MGAT4C: variants seen among roughly 807,000 people sequenced by gnomAD.
The protein encoded by MGAT4C is MGAT4 family member C.
In MGAT4C, 19 loss-of-function variants were observed where a neutral mutation model predicts 40.1. That is an observed-to-expected ratio of 0.47 (90% CI 0.33 to 0.70). MGAT4C has a LOEUF of 0.70. Among genes scored for constraint, MGAT4C ranks in the 30% least tolerant of loss-of-function variants. The pLI, the probability that MGAT4C is intolerant of heterozygous loss-of-function variation, is 0.02. For missense variants in MGAT4C, 491 were observed against 563.2 expected (o/e 0.87, Z 1.30); for synonymous variants, 181 against 187.1 (o/e 0.97, Z 0.27).
chr12:86,045,794 T>A (rs1394237443), intron 2 of MGAT4C, among the ~76,000 whole-genome samples: 1 of 152,218 alleles, frequency 6.6e-6, no homozygotes, highest in Non-Finnish European at 1.5e-5. Context: ...ACATGCTTGG[T>A]GTTACTTGAC....
chr12:86,456,834 T>G (rs1031615725), intron 2 of MGAT4C, among the ~76,000 whole-genome samples: 1 of 152,150 alleles, frequency 6.6e-6, no homozygotes, highest in Admixed American at 6.6e-5. Context: ...TCTTGCATTA[T>G]GAGCTCTCTA....
At chr12:86,486,421 A>AC (rs1958021103) in intron 2 of MGAT4C, among the ~76,000 whole-genome samples, 1 of 143,394 alleles carries the variant, frequency 7.0e-6, no homozygotes, top group South Asian at 2.3e-4. Context: ...CACACACACA[A>AC]AAGAGCATGA....
In MGAT4C at chr12:86,591,282, A is replaced by G. The variant is rs1477372340; in HGVS notation, c.-229+135927T>C. Among the ~76,000 whole-genome samples, 5 of 152,028 alleles carry G rather than the reference A, an allele frequency of 3.3e-5. No individual in the cohort carries two copies. The East Asian group carries it at 7.7e-4, about 23-fold the overall frequency. ...TGATCAGCATACATCCAGTCCCTGG[A>G]AATTAAGTAGGGCATCAGATCTATG... On this transcript the variant is annotated intron_variant, in intron 2 of 7. Transcript: ENST00000548651.
At chr12:86,515,215 T>C (rs1470828715) in intron 2 of MGAT4C, among the ~76,000 whole-genome samples, 3 of 152,208 alleles carry the variant, frequency 2.0e-5, no homozygotes, top group Non-Finnish European at 2.9e-5. Context: ...AAAACTTTCC[T>C]CTTAAGATTA....
At chr12:85,997,500 C>A (rs1039974591) in intron 2 of MGAT4C, among the ~76,000 whole-genome samples, 2 of 152,172 alleles carry the variant, frequency 1.3e-5, no homozygotes, top group Admixed American at 6.5e-5. Context: ...CAAGTACCTT[C>A]AGCCTATGAG....
chr12:86,032,458 G>A lies in MGAT4C; in HGVS notation c.-7+17216C>T, dbSNP rs920488670. ...TTGACTTTTTAATAATAGCCATTAC[G>A]ACTGGTGTGAGTTGGTATCTCATTG... On this transcript the variant is annotated intron_variant, in intron 2 of 4. Transcript: ENST00000611864. Among the ~76,000 whole-genome samples, 4 of 149,296 alleles carry A rather than the reference G, an allele frequency of 2.7e-5. 1 individual carries two copies. Among genetic ancestry groups the A allele is most frequent in the Admixed American group, 6.7e-5 (1 of 14,836 alleles).
intron 2 of MGAT4C, among the ~76,000 whole-genome samples, chr12:86,014,114 CA>C (rs1362665590): frequency 1.3e-5 from 2 of 152,128 alleles, no homozygotes; most frequent in Non-Finnish European, 2.9e-5. Flanking sequence ...TCTATTCTCT[CA>C]TAATTAGAAA....
intron 3 of MGAT4C, among the ~76,000 whole-genome samples, chr12:85,987,837 C>A (rs1389700720): frequency 6.6e-6 from 1 of 152,154 alleles, no homozygotes; most frequent in Non-Finnish European, 1.5e-5. Flanking sequence ...TTGAACATAG[C>A]AAGCCTCCAA....
chr12:86,497,710 C>T (rs376444712), intron 2 of MGAT4C, among the ~76,000 whole-genome samples: 1 of 151,434 alleles, frequency 6.6e-6, no homozygotes, highest in African/African-American at 2.4e-5. Context: ...GTACATGTTC[C>T]TTTAACAAAT....
intron 1 of MGAT4C, among the ~76,000 whole-genome samples, chr12:86,133,834 A>G (rs1314638312): frequency 2.0e-5 from 3 of 152,236 alleles, no homozygotes; most frequent in Admixed American, 6.5e-5. Flanking sequence ...TGGATGACAC[A>G]TATTCAATTA....
Position 85,962,269 on chromosome 12 carries a change from C to T in MGAT4C, c.*17020G>A, listed in dbSNP as rs1055855405. On this transcript the variant is annotated 3_prime_UTR_variant, in exon 5 of 5. Coordinates refer to ENST00000611864, the MANE Select transcript of MGAT4C (RefSeq NM_001351288.2). ...ATGCATTCTGGTCTAAATATCCCAA[C>T]ATATCTTTCGTTTTGAGATCTGCAG... is the stretch of plus-strand genomic sequence containing the variant. 1 of 151,532 alleles carries T rather than the reference C, an allele frequency of 6.6e-6. No homozygotes were observed. The highest frequency in any genetic ancestry group is 2.4e-5 in the African/African-American group (1 of 41,342). The allele number at this position is 151,532 out of a possible 1,614,324, so 9.4% of individuals were successfully genotyped here.
At chr12:86,389,476 T>C (rs913952710) in intron 3 of MGAT4C, among the ~76,000 whole-genome samples, 30 of 152,330 alleles carry the variant, frequency 2.0e-4, no homozygotes, top group Middle Eastern at 6.8e-3. Context: ...TCCATGTTTT[T>C]GCTATTGTGA....
chr12:86,088,510 G>A (rs973396671), intron 1 of MGAT4C, among the ~76,000 whole-genome samples: 1 of 151,946 alleles, frequency 6.6e-6, no homozygotes, highest in African/African-American at 2.4e-5. Flanking sequence ...AATCTATAAG[G>A]AACTTAAACA....
intron 1 of MGAT4C, among the ~76,000 whole-genome samples, chr12:86,769,934 G>A (rs949985279): frequency 2.0e-5 from 3 of 151,962 alleles, no homozygotes; most frequent in Non-Finnish European, 4.4e-5. Flanking sequence ...AATGGGTGCA[G>A]CACACCAGCA....
At chr12:86,815,954 A>G (rs1952596976) in intron 1 of MGAT4C, among the ~76,000 whole-genome samples, 1 of 151,832 alleles carries the variant, frequency 6.6e-6, no homozygotes, top group Non-Finnish European at 1.5e-5. Context: ...TAAAGAACTT[A>G]CTCTTGTAAC....
At chr12:86,477,857 G>T (rs987925986) in intron 2 of MGAT4C, among the ~76,000 whole-genome samples, 1 of 152,000 alleles carries the variant, frequency 6.6e-6, no homozygotes, top group African/African-American at 2.4e-5. Flanking sequence ...TTGGTTTTTT[G>T]TCCTTGCAAT....
At chr12:86,585,807 C>A (rs1308387857) in intron 2 of MGAT4C, among the ~76,000 whole-genome samples, 1 of 148,668 alleles carries the variant, frequency 6.7e-6, no homozygotes, top group Non-Finnish European at 1.5e-5. Context: ...CAACAGATGA[C>A]AGGCTGCAGC....
At position 86,774,315 on chromosome 12, in the gene MGAT4C, C is replaced by CTTTCTT. The variant is rs1555227766; in HGVS notation, c.-261-47080_-261-47075dup. Among the ~76,000 whole-genome samples, 47 of 59,328 alleles carry CTTTCTT rather than the reference C, an allele frequency of 7.9e-4. 2 individuals carry two copies. Among genetic ancestry groups the CTTTCTT allele is most frequent in the Non-Finnish European group, 1.6e-3 (41 of 26,366 alleles). 38.9% of individuals were successfully genotyped at this position (59,328 alleles called of 152,430 possible). On this transcript the variant is annotated intron_variant, in intron 1 of 7. Coordinates refer to the MGAT4C transcript ENST00000548651. ...TCTTTCTTTCTTTCTTTCTTTCTTT[C>CTTTCTT]TTTCTTTCTTTCTTTCTTTCTTTCT...
chr12:86,556,363 C>T (rs1452462342), intron 2 of MGAT4C, among the ~76,000 whole-genome samples: 3 of 152,052 alleles, frequency 2.0e-5, no homozygotes, highest in Non-Finnish European at 4.4e-5. Context: ...AACATGGAGA[C>T]CTATAACTTA....
Sources: allele counts gnomAD v4.1 joint callset (sites outside exome capture counted in the v4.1 genomes callset), GRCh38; gene constraint gnomAD v4.1.1; transcripts MANE v1.5; gene names NCBI Gene and HGNC (gene_info 2026-07-23, HGNC 2026-07-21).